The following COL9A1 variants were observed in gnomAD, a reference collection of about 807,000 sequenced individuals.
COL9A1 encodes the protein collagen alpha-1(IX) chain.
In COL9A1, 104 loss-of-function variants were observed where a neutral mutation model predicts 142.6. The observed-to-expected ratio is 0.73, with a 90% CI of 0.62 to 0.86. The LOEUF (loss-of-function observed/expected upper bound fraction) is 0.86. Among genes scored for constraint, COL9A1 ranks in the 40% least tolerant of loss-of-function variants. COL9A1 has a pLI of 0.00. For missense variants in COL9A1, 1,210 were observed against 1,176.6 expected (o/e 1.03, Z -0.42); for synonymous variants, 466 against 396.0 (o/e 1.18, Z -2.10).
At chr6:70,291,613 G>A (rs567019314) in intron 5 of COL9A1, among the ~76,000 whole-genome samples, 9 of 152,162 alleles carry the variant, frequency 5.9e-5, no homozygotes, top group Non-Finnish European at 1.2e-4. Context: ...AAGTTTACTA[G>A]GTAAATAAGC....
At chr6:70,284,665 A>G (rs1773372587) in intron 5 of COL9A1, among the ~76,000 whole-genome samples, 1 of 152,174 alleles carries the variant, frequency 6.6e-6, no homozygotes, top group African/African-American at 2.4e-5. Flanking sequence ...AAAAATTAAA[A>G]TGTCATATCC....
Position 70,265,261 on chromosome 6 carries a change from C to G in COL9A1, c.1341+1456G>C, listed in dbSNP as rs544404140. On this transcript the variant is annotated intron_variant, in intron 18 of 37. Coordinates refer to ENST00000357250, the MANE Select transcript of COL9A1 (RefSeq NM_001851.6). Reference sequence around the variant, plus strand: ...GGCATCTGGATTAACAGCTCCATCTCCAAATCCTGTGGGATGGGGGAGTGA... The same window carrying G: ...GGCATCTGGATTAACAGCTCCATCTGCAAATCCTGTGGGATGGGGGAGTGA... 1.6e-3 allele frequency among the ~76,000 whole-genome samples: 243 copies of G among 152,116 alleles called. 3 individuals are homozygous for G. The highest frequency in any genetic ancestry group is 5.7e-3 in the African/African-American group (235 of 41,532).
chr6:70,300,978 G>A (rs949056351), intron 2 of COL9A1, among the ~76,000 whole-genome samples: 2 of 152,062 alleles, frequency 1.3e-5, no homozygotes, highest in Admixed American at 6.5e-5. Flanking sequence ...AAATATAGAG[G>A]ATGGATTTGA....
chr6:70,244,456 G>T (rs550088655), intron 28 of COL9A1, among the ~76,000 whole-genome samples: 9 of 152,260 alleles, frequency 5.9e-5, no homozygotes, highest in Non-Finnish European at 1.2e-4. Context: ...CATCGTGTCT[G>T]CTCTGTTGGC....
At chr6:70,235,080 C>A (rs75783879) in intron 33 of COL9A1, 140 bp from the exon 34 acceptor site, 205 of 1,028,368 alleles carry the variant, frequency 2.0e-4, no homozygotes, top group Non-Finnish European at 2.8e-4. Flanking sequence ...GGTTACAAAA[C>A]CTTCACTGCA....
chr6:70,254,412 C>A, intron 25 of COL9A1, 64 bp downstream of exon 25: 1 of 1,497,500 alleles, frequency 6.7e-7, no homozygotes. Context: ...ATGTCTCTCC[C>A]CAAAATGTAT....
At chr6:70,282,987 C>A (rs1376157101) in intron 6 of COL9A1, 69 bp from the exon 7 acceptor site, 4 of 1,613,792 alleles carry the variant, frequency 2.5e-6, no homozygotes, top group Non-Finnish European at 3.4e-6. Flanking sequence ...TTACTTGAGC[C>A]GCGCACAAGC....
rs2127543396 is a variant in COL9A1, at chr6:70,216,232, A to G, written c.*665T>C. 6.5e-6 allele frequency: 1 copy of G among 152,834 alleles called. No homozygotes were observed. The highest frequency in any genetic ancestry group is 1.9e-4 in the East Asian group (1 of 5,192). 9.5% of individuals were successfully genotyped at this position (152,834 alleles called of 1,614,324 possible). A position where few individuals can be genotyped will look rare whatever the true frequency, so the allele number is the denominator to read the frequency against. On this transcript the variant is annotated 3_prime_UTR_variant, in exon 38 of 38. Transcript: ENST00000357250. ...AATTTATGAATGCCAGAGTATTAAA[A>G]TTATTTCTTTGCTTTCACATAGAAG...
chr6:70,302,272 C>T (rs918293654), intron 1 of COL9A1, among the ~76,000 whole-genome samples, 198 bp from the exon 2 acceptor site: 25 of 141,694 alleles, frequency 1.8e-4, no homozygotes, highest in Non-Finnish European at 3.1e-4. Flanking sequence ...TGCAATGGCG[C>T]GATCTCGGCT....
At position 70,234,840 on chromosome 6, in the gene COL9A1, T is replaced by G. The variant is rs1769798711; in HGVS notation, c.2213A>C (p.Gln738Pro). The G allele has an allele frequency of 1.2e-6, 2 of 1,614,024 alleles. No homozygotes were observed. Among genetic ancestry groups the G allele is most frequent in the East Asian group, 4.5e-5 (2 of 44,850 alleles). ...CAGGCCGGTGGCACCCTGTTCTCCCTGCACACCCCGGGGTCCAGGTGGTCC... is the reference window on the plus strand; with the variant it reads ...CAGGCCGGTGGCACCCTGTTCTCCCGGCACACCCCGGGGTCCAGGTGGTCC... ...PRGPPGPRGVQGEQGATGLPG... is the reference protein window; with the variant it reads ...PRGPPGPRGVPGEQGATGLPG... Residue 738 changes from glutamine (Q) to proline (P), a missense_variant, in exon 34 of 38, where the codon CAG becomes CCG. Gln to Pro is a moderately conservative substitution (Grantham distance 76). Transcript: ENST00000357250.
At position 70,232,835 on chromosome 6, in the gene COL9A1, G is replaced by C. The variant is rs1769642897; in HGVS notation, c.2315-64C>G. ...AACATAAAAGTTATTCTAATGAAAAGAGAGGTATTCCAAATGCCTTTTTTT... is the reference window on the plus strand; with the variant it reads ...AACATAAAAGTTATTCTAATGAAAACAGAGGTATTCCAAATGCCTTTTTTT... On this transcript the variant is annotated intron_variant, in intron 35 of 37. Transcript: ENST00000357250. The C allele has an allele frequency of 7.3e-6, 11 of 1,505,372 alleles. No individual in the cohort carries two copies. The South Asian group carries it at 1.2e-4, about 16-fold the overall frequency. The allele number at this position is 1,505,372 out of a possible 1,614,324, so 93.3% of individuals were successfully genotyped here. A position where few individuals can be genotyped will look rare whatever the true frequency, so the allele number is the denominator to read the frequency against.
In COL9A1 at chr6:70,300,322, T is replaced by A. The variant is rs763845718; in HGVS notation, c.153A>T (p.Gln51His). The A allele has an allele frequency of 2.5e-6, 4 of 1,613,748 alleles. No individual in the cohort carries two copies. Among genetic ancestry groups the A allele is most frequent in the Non-Finnish European group, 3.4e-6 (4 of 1,179,738 alleles). The stretch of plus-strand genomic sequence containing the variant: ...ATTGCTACTCACCTGGTAAGTCATC[T>A]TGGCCAATCCTGATCTTTGGACAGA... ...NELCPKIRIG[Q>H]DDLPGFDLIS... Residue 51 changes from glutamine to histidine, a missense_variant, in exon 3 of 38, where the codon CAA becomes CAT. By Grantham distance (24) the Gln-to-His change is conservative (BLOSUM62 0). Coordinates refer to ENST00000357250, the MANE Select transcript of COL9A1 (RefSeq NM_001851.6).
At chr6:70,282,484 C>T (rs919710590) in intron 7 of COL9A1, among the ~76,000 whole-genome samples, 19 of 143,162 alleles carry the variant, frequency 1.3e-4, no homozygotes, top group Admixed American at 1.1e-3. Context: ...AGTGCAGCTA[C>T]GGCGGGCTGG....
chr6:70,226,250 C>T (rs150445036), intron 36 of COL9A1, among the ~76,000 whole-genome samples: 2 of 152,198 alleles, frequency 1.3e-5, no homozygotes, highest in Non-Finnish European at 2.9e-5. Flanking sequence ...ATTGAACATG[C>T]ATTCTTGATA....
intron 28 of COL9A1, among the ~76,000 whole-genome samples, chr6:70,247,305 T>C (rs1476021514): frequency 6.6e-6 from 1 of 152,220 alleles, no homozygotes; most frequent in East Asian, 1.9e-4. Flanking sequence ...AGTTGGAGGT[T>C]TTCCTTTTAA....
chr6:70,288,518 C>T (rs763175573), intron 5 of COL9A1, among the ~76,000 whole-genome samples: 7 of 152,162 alleles, frequency 4.6e-5, no homozygotes, highest in Non-Finnish European at 8.8e-5. Context: ...GGTAGCCACC[C>T]ATCTCACACA....
Position 70,294,485 on chromosome 6 carries a change from CT to C in COL9A1, c.377del (p.Lys126ArgfsTer19). ...CCTGAATCTGCCAAATGTTCCAGTT[CT>C]TTTTGAGAGTGCTTCCAGTCATTCG... ...TFRMTGSTLK[K>X]NWNIWQIQDS... is the part of the protein sequence containing the mutation. On this transcript the variant is annotated frameshift_variant, in exon 5 of 38. Transcript: ENST00000357250. LOFTEE classifies it high-confidence loss of function. 1 of 1,614,088 alleles carries C rather than the reference CT, an allele frequency of 6.2e-7. No homozygotes were observed. The highest frequency in any genetic ancestry group is 8.5e-7 in the Non-Finnish European group (1 of 1,179,960).
At chr6:70,292,135 T>C (rs1773685528) in intron 5 of COL9A1, among the ~76,000 whole-genome samples, 2 of 152,206 alleles carry the variant, frequency 1.3e-5, no homozygotes. Context: ...TTTCACATTG[T>C]CACTTCCAGT....
At chr6:70,249,485 C>T (rs1770799913) in intron 28 of COL9A1, among the ~76,000 whole-genome samples, 1 of 151,910 alleles carries the variant, frequency 6.6e-6, no homozygotes, top group Non-Finnish European at 1.5e-5. Flanking sequence ...GAGACAATTG[C>T]AGTAATCCAA....
Sources: gnomAD v4.1 joint callset for allele counts (sites outside exome capture counted in the v4.1 genomes callset) on GRCh38, gnomAD v4.1.1 for gene constraint, MANE v1.5 for transcripts, NCBI Gene and HGNC (gene_info 2026-07-23, HGNC 2026-07-21) for gene names.